Variants in RALGAPA1 observed in about 807,000 individuals in gnomAD.
RALGAPA1 encodes ral GTPase-activating protein subunit alpha-1.
RALGAPA1 carries 52 observed loss-of-function variants against 269.6 expected under a neutral mutation model. That is an observed-to-expected ratio of 0.19 (90% CI 0.15 to 0.24). The LOEUF is 0.24. Among genes scored for constraint, RALGAPA1 ranks in the 10% least tolerant of loss-of-function variants. The probability of loss-of-function intolerance (pLI) is 1.00; values close to 1 mark genes in which losing one functional copy is unlikely to be tolerated. For missense variants in RALGAPA1, 1,917 were observed against 3,013.9 expected, an observed-to-expected ratio of 0.64 and a Z score of 8.52; for synonymous variants, 817 against 1,008.3, an observed-to-expected ratio of 0.81 and a Z score of 3.60.
intron 10 of RALGAPA1, among the ~76,000 whole-genome samples, chr14:35,744,163 G>A (rs2071825871): frequency 6.6e-6 from 1 of 152,046 alleles, no homozygotes; most frequent in Admixed American, 6.5e-5. Context: ...CCTGAGGGCG[G>A]GAGTTCAAGA....
intron 37 of RALGAPA1, among the ~76,000 whole-genome samples, chr14:35,573,798 A>C (rs977533463): frequency 6.6e-6 from 1 of 152,184 alleles, no homozygotes; most frequent in African/African-American, 2.4e-5. Context: ...AAAGCAAAAA[A>C]GATTACACAA....
intron 10 of RALGAPA1, among the ~76,000 whole-genome samples, chr14:35,748,200 A>G (rs902816563): frequency 1.3e-5 from 2 of 152,046 alleles, no homozygotes; most frequent in African/African-American, 2.4e-5. Flanking sequence ...TAAAGAATAG[A>G]AAATACTAGA....
chr14:35,630,925 T>G (rs1032650627), intron 33 of RALGAPA1, among the ~76,000 whole-genome samples: 2 of 152,068 alleles, frequency 1.3e-5, no homozygotes, highest in African/African-American at 4.8e-5. Flanking sequence ...ATTGAAATTT[T>G]TAAAAGTTAT....
chr14:35,668,979 T>C (rs1175440825), intron 26 of RALGAPA1, among the ~76,000 whole-genome samples: 1 of 152,190 alleles, frequency 6.6e-6, no homozygotes, highest in East Asian at 1.9e-4. Flanking sequence ...TTATTTGTCA[T>C]TCCTTGAACA....
intron 34 of RALGAPA1, 84 bp downstream of exon 34, chr14:35,627,006 A>G: frequency 7.5e-7 from 1 of 1,336,456 alleles, no homozygotes; most frequent in South Asian, 2.0e-5. Context: ...TAGTGAGGAA[A>G]AGAACAGAAA....
Position 35,689,190 on chromosome 14 carries a change from C to T in RALGAPA1, c.3221G>A (p.Cys1074Tyr), listed in dbSNP as rs1303784364. 5.7e-6 allele frequency: 7 copies of T among 1,232,896 alleles called. No homozygotes were observed. Among genetic ancestry groups the T allele is most frequent in the South Asian group, 4.1e-5 (1 of 24,366 alleles). 76.4% of individuals were successfully genotyped at this position (1,232,896 alleles called of 1,614,324 possible). Reference sequence around the variant, plus strand: ...CTTTTCAACTAGTGTTACATCAACACAAGCATCTAATTCTGTGGCTGCTTG... The same window carrying T: ...CTTTTCAACTAGTGTTACATCAACATAAGCATCTAATTCTGTGGCTGCTTG... ...YRQAATELDA[C>Y]VDVTLVEKLK... The change falls in exon 18 of 42, where the codon TGT becomes TAT. Residue 1074 changes from cysteine (C) to tyrosine (Y), a missense_variant. Cys to Tyr is a radical substitution (Grantham distance 194). Transcript: ENST00000680220.
chr14:35,680,072 T>A (rs1480523640), intron 21 of RALGAPA1, among the ~76,000 whole-genome samples: 2 of 152,216 alleles, frequency 1.3e-5, no homozygotes, highest in Non-Finnish European at 1.5e-5. Context: ...CCTTAATGTT[T>A]ACCAAAAACT....
At chr14:35,657,342 C>T (rs911701146) in intron 28 of RALGAPA1, among the ~76,000 whole-genome samples, 2 of 151,900 alleles carry the variant, frequency 1.3e-5, no homozygotes, top group South Asian at 2.1e-4. Flanking sequence ...GGGCACGCTA[C>T]GACACCTGGC....
At chr14:35,727,891 T>C (rs978284925) in intron 13 of RALGAPA1, among the ~76,000 whole-genome samples, 3 of 152,142 alleles carry the variant, frequency 2.0e-5, no homozygotes, top group African/African-American at 7.2e-5. Context: ...GAAGAACAAC[T>C]TGATAAAGCT....
intron 1 of RALGAPA1, among the ~76,000 whole-genome samples, chr14:35,789,774 A>G (rs2076029480): frequency 6.6e-6 from 1 of 152,178 alleles, no homozygotes; most frequent in Non-Finnish European, 1.5e-5. Context: ...AGAACACCAG[A>G]AAATATCAAC....
chr14:35,541,212 A>AT (rs1043005834), intron 41 of RALGAPA1, among the ~76,000 whole-genome samples: 3 of 151,378 alleles, frequency 2.0e-5, no homozygotes, highest in African/African-American at 7.3e-5. Flanking sequence ...CGCCCGGCTA[A>AT]TTTTTTTGTA....
chr14:35,800,119 A>T (rs1401050443), intron 1 of RALGAPA1, among the ~76,000 whole-genome samples: 2 of 152,172 alleles, frequency 1.3e-5, no homozygotes, highest in Admixed American at 6.5e-5. Context: ...AAAAGAAAAC[A>T]GACAAAACCC....
At chr14:35,586,350 C>T (rs1307921437) in intron 37 of RALGAPA1, among the ~76,000 whole-genome samples, 2 of 152,182 alleles carry the variant, frequency 1.3e-5, no homozygotes, top group Non-Finnish European at 2.9e-5. Flanking sequence ...AGATTTTGGG[C>T]TGAGACAATG....
chr14:35,779,521 T>C (rs1595528180), intron 1 of RALGAPA1, among the ~76,000 whole-genome samples: 1 of 151,368 alleles, frequency 6.6e-6, no homozygotes, highest in South Asian at 2.1e-4. Flanking sequence ...AAGCGAGACC[T>C]TGTCACTAAA....
intron 4 of RALGAPA1, among the ~76,000 whole-genome samples, chr14:35,769,065 T>TATATATATATATATACACACAC (rs1237249622): frequency 1.3e-5 from 1 of 77,796 alleles, no homozygotes; most frequent in African/African-American, 4.6e-5. Context: ...TATATATATA[T>TATATATATATATATACACACAC]ACACACACAT....
intron 1 of RALGAPA1, among the ~76,000 whole-genome samples, chr14:35,789,917 G>A (rs534230779): frequency 1.3e-5 from 2 of 152,192 alleles, no homozygotes; most frequent in South Asian, 2.1e-4. Context: ...TAGTCACCAC[G>A]AGCAAAGCTC....
chr14:35,577,086 C>G (rs1297853527), intron 37 of RALGAPA1, among the ~76,000 whole-genome samples: 5 of 152,126 alleles, frequency 3.3e-5, no homozygotes. Flanking sequence ...CATGGTGGCT[C>G]CTAGTGATCA....
chr14:35,756,658 C>G (rs2073203340), intron 7 of RALGAPA1, 135 bp downstream of exon 7: 1 of 531,656 alleles, frequency 1.9e-6, no homozygotes, highest in South Asian at 3.1e-5. Flanking sequence ...AAGCCATTGA[C>G]CCTTCCCCTC....
At chr14:35,680,360 A>C (rs2065319468) in intron 21 of RALGAPA1, among the ~76,000 whole-genome samples, 1 of 151,836 alleles carries the variant, frequency 6.6e-6, no homozygotes, top group African/African-American at 2.4e-5. Flanking sequence ...GGTGTCCACC[A>C]CCATGCCTGG....
Sources: gnomAD v4.1 joint callset for allele counts (sites outside exome capture counted in the v4.1 genomes callset) on GRCh38, gnomAD v4.1.1 for gene constraint, MANE v1.5 for transcripts, NCBI Gene and HGNC (gene_info 2026-07-23, HGNC 2026-07-21) for gene names.